Variants in PLAAT5 observed in about 807,000 individuals in gnomAD.
The protein encoded by PLAAT5 is phospholipase A and acyltransferase 5.
In PLAAT5, 27 loss-of-function variants were observed where a neutral mutation model predicts 27.8. The observed-to-expected ratio is 0.97, with a 90% CI of 0.72 to 1.34. PLAAT5 has a LOEUF of 1.34. Among genes scored for constraint, PLAAT5 ranks in the 40% most tolerant of loss-of-function variants. PLAAT5 has a pLI of 0.00. For synonymous variants in PLAAT5, 125 were observed against 136.1 expected (o/e 0.92, Z 0.57); for missense variants, 368 against 343.8 (o/e 1.07, Z -0.56).
intron 3 of PLAAT5, chr11:63,470,706 T>G (rs755698547): frequency 3.3e-5 from 5 of 152,354 alleles, no homozygotes; most frequent in Non-Finnish European, 5.9e-5. Flanking sequence ...TTAATGTTCA[T>G]GCCTTATTGC....
intron 3 of PLAAT5, among the ~76,000 whole-genome samples, chr11:63,474,183 C>A (rs1590614997): frequency 6.6e-6 from 1 of 151,974 alleles, no homozygotes; most frequent in Non-Finnish European, 1.5e-5. Context: ...TTTTGAGATA[C>A]CTTGGCTTTG....
intron 3 of PLAAT5, among the ~76,000 whole-genome samples, chr11:63,478,164 T>C (rs1048380513): frequency 4.6e-5 from 7 of 152,184 alleles, no homozygotes; most frequent in African/African-American, 9.7e-5. Context: ...ACCCTGGGCA[T>C]GGAAGTAAAG....
rs71039646 is a variant in PLAAT5, at chr11:63,483,801, GTATATATATA to G, written c.345+5060_345+5069del. 6.9e-3 allele frequency among the ~76,000 whole-genome samples: 167 copies of G among 24,122 alleles called. 1 individual carries two copies. Among genetic ancestry groups the G allele is most frequent in the African/African-American group, 0.012 (87 of 7,312 alleles). 15.8% of individuals were successfully genotyped at this position (24,122 alleles called of 152,430 possible). On this transcript the variant is annotated intron_variant, in intron 3 of 5. Transcript: ENST00000540857. ...AAAAAAAAAATATATATATATATAT[GTATATATATA>G]TATATATATATATATATATATATAT... is the stretch of plus-strand genomic sequence containing the variant.
At chr11:63,470,764 G>A (rs768296494) in intron 3 of PLAAT5, 3 of 152,104 alleles carry the variant, frequency 2.0e-5, no homozygotes, top group Non-Finnish European at 4.4e-5. Context: ...TATAAAGAAT[G>A]TGGAAAAGCC....
At chr11:63,464,295 A>C (rs942067931) in intron 5 of PLAAT5, among the ~76,000 whole-genome samples, 4 of 152,230 alleles carry the variant, frequency 2.6e-5, no homozygotes, top group African/African-American at 9.7e-5. Flanking sequence ...TAGACAACAG[A>C]AGAAACATAG....
Position 63,473,212 on chromosome 11 carries a change from A to G in PLAAT5, c.346-4747T>C, listed in dbSNP as rs143123749. Among the ~76,000 whole-genome samples the G allele has an allele frequency of 4.1e-3, 631 of 152,264 alleles. 4 individuals are homozygous for G. The highest frequency in any genetic ancestry group is 0.014 in the African/African-American group (568 of 41,562). ...GTGCTTCACAGATATTTCATTTTTT[A>G]CAGATTAAAGGTTTGTGACAACCGT... On this transcript the variant is annotated intron_variant, in intron 3 of 5. Transcript: ENST00000540857.
At chr11:63,470,183 T>A in intron 3 of PLAAT5, 1 of 158,218 alleles carries the variant, frequency 6.3e-6, no homozygotes. Context: ...CTTACAGATG[T>A]GAATAATGTG....
intron 3 of PLAAT5, among the ~76,000 whole-genome samples, chr11:63,483,755 A>G (rs1302824650): frequency 7.5e-6 from 1 of 133,094 alleles, no homozygotes; most frequent in Non-Finnish European, 1.6e-5. Context: ...AGATCAGAGC[A>G]GAAGTAAATG....
At chr11:63,473,370 T>C (rs2016076337) in intron 3 of PLAAT5, among the ~76,000 whole-genome samples, 1 of 152,222 alleles carries the variant, frequency 6.6e-6, no homozygotes. Context: ...TTTAATAGGC[T>C]ACAGAATAAT....
At chr11:63,484,966 A>C (rs1419262167) in intron 3 of PLAAT5, among the ~76,000 whole-genome samples, 1 of 152,144 alleles carries the variant, frequency 6.6e-6, no homozygotes, top group Non-Finnish European at 1.5e-5. Flanking sequence ...ATTATTGTAC[A>C]CAAATCAGTA....
chr11:63,486,375 C>T (rs866252483), intron 3 of PLAAT5, among the ~76,000 whole-genome samples: 26 of 152,126 alleles, frequency 1.7e-4, no homozygotes, highest in South Asian at 4.2e-4. Context: ...AAATATGGAA[C>T]CAGCCTAAAT....
intron 3 of PLAAT5, among the ~76,000 whole-genome samples, chr11:63,483,784 A>AATATATAT (rs56345803): frequency 7.6e-5 from 5 of 65,678 alleles, no homozygotes; most frequent in Non-Finnish European, 1.0e-4. Context: ...GCAAAAAAAA[A>AATATATAT]ATATATATAT....
chr11:63,491,008 C>A lies in PLAAT5; in HGVS notation c.27G>T (p.Gly9=). 1 of 1,516,930 alleles carries A rather than the reference C, an allele frequency of 6.6e-7. No individual in the cohort carries two copies. The highest frequency in any genetic ancestry group is 8.8e-7 in the Non-Finnish European group (1 of 1,132,336). The allele number at this position is 1,516,930 out of a possible 1,614,324, so 94.0% of individuals were successfully genotyped here. MGLSPGAE[G]EYALRLPRIP... ...TCCTAGGGAGGCGGAGCGCGTACTC[C>A]CCCTCGGCGCCCGGGCTCAGGCCCA... The change falls in exon 1 of 6, where the codon GGG becomes GGT. Residue 9 remains glycine, a synonymous_variant. Coordinates refer to ENST00000540857, the MANE Select transcript of PLAAT5 (RefSeq NM_001146729.2).
At chr11:63,483,858 T>C (rs2016370390) in intron 3 of PLAAT5, among the ~76,000 whole-genome samples, 1 of 119,420 alleles carries the variant, frequency 8.4e-6, no homozygotes, top group Non-Finnish European at 1.8e-5. Flanking sequence ...TATATATATA[T>C]GAAACAAAAA....
chr11:63,470,073 A>C (rs1400051953), intron 3 of PLAAT5: 1 of 150,028 alleles, frequency 6.7e-6, no homozygotes, highest in Non-Finnish European at 1.5e-5. Context: ...TGGGTGACAG[A>C]GCAAGACTCC....
intron 4 of PLAAT5, among the ~76,000 whole-genome samples, chr11:63,468,021 G>A (rs1158456414): frequency 1.3e-5 from 2 of 152,190 alleles, no homozygotes; most frequent in Non-Finnish European, 2.9e-5. Flanking sequence ...ACCCTCCTTG[G>A]GGAATCCTCA....
intron 3 of PLAAT5, among the ~76,000 whole-genome samples, chr11:63,485,849 T>G (rs1227805792): frequency 6.6e-6 from 1 of 150,588 alleles, no homozygotes; most frequent in Non-Finnish European, 1.5e-5. Flanking sequence ...ACCCACAGAG[T>G]GGGAGAGAAT....
chr11:63,485,315 A>C (rs1265890200), intron 3 of PLAAT5, among the ~76,000 whole-genome samples: 1 of 152,214 alleles, frequency 6.6e-6, no homozygotes, highest in African/African-American at 2.4e-5. Context: ...AAGAGCCCAC[A>C]TAGCCAAAGC....
intron 4 of PLAAT5, 67 bp downstream of exon 4, chr11:63,468,290 A>C: frequency 8.5e-7 from 1 of 1,177,142 alleles, no homozygotes; most frequent in Non-Finnish European, 1.3e-6. Context: ...GAACACAGTA[A>C]TTAACTGTGC....
Sources: gnomAD v4.1 joint callset for allele counts (sites outside exome capture counted in the v4.1 genomes callset) on GRCh38, gnomAD v4.1.1 for gene constraint, MANE v1.5 for transcripts, NCBI Gene and HGNC (gene_info 2026-07-23, HGNC 2026-07-21) for gene names.